Variants in RUNX2 observed in about 807,000 individuals in gnomAD.
RUNX2 encodes RUNX family transcription factor 2.
A neutral mutation model predicts 51.7 loss-of-function variants in RUNX2; 10 were observed. The observed-to-expected ratio is 0.19, with a 90% confidence interval of 0.12 to 0.33. RUNX2 has a LOEUF of 0.33. RUNX2 is among the 10% of genes least tolerant of loss of function. RUNX2 has a pLI of 1.00. For missense variants in RUNX2, 562 were observed against 691.3 expected (o/e 0.81, Z 2.10); for synonymous variants, 276 against 273.6 (o/e 1.01, Z -0.09).
At chr6:45,451,558 G>T (rs1799171568) in intron 5 of RUNX2, among the ~76,000 whole-genome samples, 1 of 152,160 alleles carries the variant, frequency 6.6e-6, no homozygotes, top group African/African-American at 2.4e-5. Context: ...GAAAGACTTG[G>T]GATCGTTTAG....
At chr6:45,510,413 T>C (rs1021418113) in intron 6 of RUNX2, among the ~76,000 whole-genome samples, 1 of 152,200 alleles carries the variant, frequency 6.6e-6, no homozygotes, top group Non-Finnish European at 1.5e-5. Flanking sequence ...TTATTTTGAC[T>C]CAAGGAAGTA....
chr6:45,399,566 G>A (rs1797659245), intron 2 of RUNX2, among the ~76,000 whole-genome samples: 1 of 151,586 alleles, frequency 6.6e-6, no homozygotes, highest in Non-Finnish European at 1.5e-5. Flanking sequence ...CACCATGTTG[G>A]TCAGGGTAGT....
intron 2 of RUNX2, among the ~76,000 whole-genome samples, chr6:45,394,640 C>T (rs961861444): frequency 6.6e-6 from 1 of 152,144 alleles, no homozygotes; most frequent in Non-Finnish European, 1.5e-5. Context: ...AAGTGCTTCT[C>T]ATCTTCTCCT....
At chr6:45,435,693 G>A (rs1318056058) in intron 4 of RUNX2, among the ~76,000 whole-genome samples, 1 of 152,110 alleles carries the variant, frequency 6.6e-6, no homozygotes, top group East Asian at 1.9e-4. Context: ...GAGACATTAA[G>A]GATAACTGAG....
At chr6:45,532,604 A>G (rs1157851151) in intron 7 of RUNX2, among the ~76,000 whole-genome samples, 1 of 152,202 alleles carries the variant, frequency 6.6e-6, no homozygotes, top group Non-Finnish European at 1.5e-5. Flanking sequence ...AAGAAAAAAA[A>G]TGAACCACCA....
chr6:45,480,447 A>T (rs1016281843), intron 5 of RUNX2, among the ~76,000 whole-genome samples: 11 of 152,078 alleles, frequency 7.2e-5, no homozygotes, highest in Admixed American at 3.3e-4. Flanking sequence ...GTAGATATAA[A>T]CACAATAGTC....
intron 7 of RUNX2, among the ~76,000 whole-genome samples, chr6:45,513,086 G>T (rs1001593091): frequency 2.6e-5 from 4 of 152,160 alleles, no homozygotes; most frequent in Non-Finnish European, 5.9e-5. Context: ...GGGAGAGTGT[G>T]TGTGACAGAT....
intron 7 of RUNX2, among the ~76,000 whole-genome samples, chr6:45,539,113 G>GC (rs1307702377): frequency 6.6e-6 from 1 of 151,886 alleles, no homozygotes; most frequent in Non-Finnish European, 1.5e-5. Context: ...TCTACTGCCT[G>GC]CCCCCTTTCC....
intron 2 of RUNX2, among the ~76,000 whole-genome samples, chr6:45,383,868 G>A (rs901452712): frequency 6.6e-6 from 1 of 152,174 alleles, no homozygotes; most frequent in African/African-American, 2.4e-5. Context: ...CATTCTGAAG[G>A]TGGATGCAAC....
chr6:45,380,361 T>C (rs1243625487), intron 2 of RUNX2, among the ~76,000 whole-genome samples: 1 of 152,216 alleles, frequency 6.6e-6, no homozygotes, highest in Non-Finnish European at 1.5e-5. Context: ...ACAAAATTGT[T>C]AAAGAAAAAT....
intron 7 of RUNX2, among the ~76,000 whole-genome samples, chr6:45,519,800 G>A (rs879434999): frequency 0.086 from 9,288 of 108,114 alleles, 768 homozygotes; most frequent in African/African-American, 0.22. Flanking sequence ...ATGTGTGTGT[G>A]TGTGTGTGTG....
intron 7 of RUNX2, among the ~76,000 whole-genome samples, chr6:45,514,900 C>T (rs1801271701): frequency 6.6e-6 from 1 of 151,602 alleles, no homozygotes; most frequent in Non-Finnish European, 1.5e-5. Flanking sequence ...GAGGCTCCTA[C>T]ATGTGAGACT....
intron 2 of RUNX2, among the ~76,000 whole-genome samples, chr6:45,393,407 T>G (rs1252168974): frequency 1.3e-5 from 2 of 152,042 alleles, no homozygotes; most frequent in Admixed American, 6.5e-5. Context: ...ACTATTAATG[T>G]GTTCTTGCAT....
At chr6:45,503,883 G>A (rs1485977311) in intron 6 of RUNX2, among the ~76,000 whole-genome samples, 1 of 152,030 alleles carries the variant, frequency 6.6e-6, no homozygotes, top group Non-Finnish European at 1.5e-5. Context: ...GATATCTTAG[G>A]CCATACATAT....
chr6:45,485,697 G>GTGTATATATA (rs1219072282), intron 5 of RUNX2, among the ~76,000 whole-genome samples: 13 of 104,034 alleles, frequency 1.2e-4, no homozygotes, highest in Middle Eastern at 4.6e-3. Flanking sequence ...GTGTGTGTGT[G>GTGTATATATA]TATATATATA....
intron 3 of RUNX2, among the ~76,000 whole-genome samples, chr6:45,426,608 C>A (rs1232679261): frequency 6.6e-6 from 1 of 152,162 alleles, no homozygotes; most frequent in Non-Finnish European, 1.5e-5. Context: ...TAGTTCAAGT[C>A]TATTCTGCTG....
chr6:45,466,960 C>G (rs985614923), intron 5 of RUNX2, among the ~76,000 whole-genome samples: 3 of 152,152 alleles, frequency 2.0e-5, no homozygotes, highest in African/African-American at 7.2e-5. Context: ...TTTTATTTTT[C>G]TTGCTCCTAA....
intron 7 of RUNX2, among the ~76,000 whole-genome samples, chr6:45,524,261 T>C (rs1801600338): frequency 6.6e-6 from 1 of 152,184 alleles, no homozygotes; most frequent in South Asian, 2.1e-4. Flanking sequence ...TTCAAATCCA[T>C]GAAAGTAATG....
chr6:45,328,902 TC>T, intron 2 of RUNX2, 118 bp downstream of exon 2: 5 of 1,046,174 alleles, frequency 4.8e-6, no homozygotes, highest in Non-Finnish European at 7.3e-6. Context: ...AATTATGCTA[TC>T]TTGTTGCATT....
Sources: allele counts gnomAD v4.1 joint callset (sites outside exome capture counted in the v4.1 genomes callset), GRCh38; gene constraint gnomAD v4.1.1; transcripts MANE v1.5; gene names NCBI Gene and HGNC (gene_info 2026-07-23, HGNC 2026-07-21).